ERC1: variants seen among roughly 807,000 people sequenced by gnomAD.
ERC1 encodes RAB6 interacting protein 2.
A neutral mutation model predicts 132.0 loss-of-function variants in ERC1; 56 were observed. That is an observed-to-expected ratio of 0.42 (90% CI 0.34 to 0.53). The LOEUF (loss-of-function observed/expected upper bound fraction) is 0.53, where lower values mean the gene tolerates loss of function less well. Ranked by LOEUF, ERC1 falls within the 20% of genes least tolerant of loss-of-function variation. The probability of loss-of-function intolerance (pLI) is 0.03; values close to 1 mark genes in which losing one functional copy is unlikely to be tolerated. For missense variants in ERC1, 1,202 were observed against 1,349.9 expected (o/e 0.89, Z 1.72); for synonymous variants, 478 against 476.1 (o/e 1.00, Z -0.05).
At chr12:1,084,539 T>C (rs1057248111) in intron 3 of ERC1, among the ~76,000 whole-genome samples, 2 of 152,178 alleles carry the variant, frequency 1.3e-5, no homozygotes, top group African/African-American at 4.8e-5. Flanking sequence ...AACATCATTG[T>C]TTTTTAAAAA....
chr12:1,199,587 A>G (rs569496048), intron 12 of ERC1, among the ~76,000 whole-genome samples: 3 of 152,160 alleles, frequency 2.0e-5, no homozygotes, highest in African/African-American at 7.2e-5. Flanking sequence ...CCTGACCAAC[A>G]TGGTGAAACC....
chr12:1,133,185 T>C (rs1448645247), intron 7 of ERC1, among the ~76,000 whole-genome samples: 1 of 151,860 alleles, frequency 6.6e-6, no homozygotes, highest in Non-Finnish European at 1.5e-5. Context: ...TTGTTTTTAA[T>C]GAGGTGCTTT....
intron 16 of ERC1, among the ~76,000 whole-genome samples, chr12:1,399,244 G>A (rs867449425): frequency 6.4e-4 from 97 of 151,846 alleles, no homozygotes; most frequent in African/African-American, 2.2e-3. Context: ...GAGCCATCAC[G>A]CCTGCCCTCT....
rs963648670 is a variant in ERC1, at chr12:1,494,808, AAAATT to A, written c.*4582_*4586del. 56 of 230,374 alleles carry A rather than the reference AAAATT, an allele frequency of 2.4e-4. No individual in the cohort carries two copies. Among genetic ancestry groups the A allele is most frequent in the African/African-American group, 9.3e-4 (42 of 45,308 alleles). The allele number at this position is 230,374 out of a possible 1,614,324, so 14.3% of individuals were successfully genotyped here. A position where few individuals can be genotyped will look rare whatever the true frequency, so the allele number is the denominator to read the frequency against. ...GATTAAAACGTAGTTGTAGAAATGA[AAAATT>A]AAACAGCTGTGTTTTAAAAATGCAA... On this transcript the variant is annotated 3_prime_UTR_variant, in exon 19 of 19. Coordinates refer to ENST00000360905, the MANE Select transcript of ERC1 (RefSeq NM_178040.4).
intron 15 of ERC1, among the ~76,000 whole-genome samples, chr12:1,328,725 C>A (rs989476939): frequency 1.3e-5 from 2 of 151,834 alleles, no homozygotes; most frequent in Non-Finnish European, 2.9e-5. Flanking sequence ...AGGAGGAAGT[C>A]ATTTCTTTCT....
intron 13 of ERC1, among the ~76,000 whole-genome samples, chr12:1,258,141 G>C (rs2076923908): frequency 6.6e-6 from 1 of 152,180 alleles, no homozygotes; most frequent in Admixed American, 6.5e-5. Flanking sequence ...CTCAAATTAA[G>C]TGTGGCATGT....
rs554307956 is a variant in ERC1 at position 1,016,823 on chromosome 12, G to GTAT, written c.-156-10919_-156-10917dup. 2.6e-4 allele frequency among the ~76,000 whole-genome samples: 39 copies of GTAT among 151,256 alleles called. 1 individual carries two copies. In the South Asian group the frequency reaches 8.0e-3, roughly 31 times the overall value. On this transcript the variant is annotated intron_variant, in intron 1 of 18. Coordinates refer to ENST00000360905, the MANE Select transcript of ERC1 (RefSeq NM_178040.4). ...GTACCACCATGCCTGGCTAAGTTTT[G>GTAT]TATTATTAGTAGAGATGGGGCTTCA...
At chr12:1,460,223 A>G (rs1421868049) in intron 18 of ERC1, among the ~76,000 whole-genome samples, 3 of 152,226 alleles carry the variant, frequency 2.0e-5, no homozygotes, top group Non-Finnish European at 4.4e-5. Flanking sequence ...TTCTTTTGAA[A>G]TTATTTTAAA....
chr12:1,314,736 T>G (rs909233507), intron 15 of ERC1, among the ~76,000 whole-genome samples: 3 of 152,204 alleles, frequency 2.0e-5, no homozygotes, highest in Non-Finnish European at 2.9e-5. Context: ...CCATGAACAT[T>G]TAATATGTTT....
chr12:1,238,832 A>G (rs1431690510), intron 13 of ERC1, among the ~76,000 whole-genome samples: 2 of 152,078 alleles, frequency 1.3e-5, no homozygotes, highest in African/African-American at 4.8e-5. Flanking sequence ...TCCTTTTTAT[A>G]TAAACTAAAA....
At position 1,448,314 on chromosome 12, in the gene ERC1, G is replaced by C. The variant is rs146565764; in HGVS notation, c.3213+3564G>C. On this transcript the variant is annotated intron_variant, in intron 18 of 18. Transcript: ENST00000360905. The stretch of plus-strand genomic sequence containing the variant: ...CAGTCCCTGCGAAACGAGAGACCTG[G>C]GTCATCTACAGAGGAATACAGTAAC... Among the ~76,000 whole-genome samples the C allele has an allele frequency of 1.2e-3, 176 of 152,196 alleles. 1 individual carries two copies. The highest frequency in any genetic ancestry group is 4.0e-3 in the African/African-American group (166 of 41,510).
chr12:1,326,331 T>G (rs2082441115), intron 15 of ERC1, among the ~76,000 whole-genome samples: 1 of 152,178 alleles, frequency 6.6e-6, no homozygotes, highest in Admixed American at 6.5e-5. Context: ...TTAAGTCCCA[T>G]TATTTCTCCT....
At chr12:1,005,709 T>C (rs1963437870) in intron 1 of ERC1, among the ~76,000 whole-genome samples, 1 of 152,118 alleles carries the variant, frequency 6.6e-6, no homozygotes, top group Non-Finnish European at 1.5e-5. Context: ...TTTCCTGTTA[T>C]TTTTAAAATA....
At chr12:1,185,255 G>C (rs986288327) in intron 11 of ERC1, among the ~76,000 whole-genome samples, 1 of 151,864 alleles carries the variant, frequency 6.6e-6, no homozygotes, top group African/African-American at 2.4e-5. Flanking sequence ...TGCCTAGGCT[G>C]GTCTCAAACC....
chr12:1,347,753 C>T (rs531094246), intron 15 of ERC1, among the ~76,000 whole-genome samples: 5 of 152,272 alleles, frequency 3.3e-5, no homozygotes, highest in South Asian at 2.1e-4. Flanking sequence ...GAGACCGAGA[C>T]GGGCAGATCA....
intron 16 of ERC1, among the ~76,000 whole-genome samples, chr12:1,387,142 C>T (rs1418648411): frequency 2.6e-5 from 4 of 151,304 alleles, no homozygotes; most frequent in South Asian, 2.1e-4. Flanking sequence ...TTTTCTGTTT[C>T]GCATATTGAC....
At chr12:1,139,954 TTAAC>T (rs1949716528) in intron 7 of ERC1, among the ~76,000 whole-genome samples, 1 of 152,126 alleles carries the variant, frequency 6.6e-6, no homozygotes, top group South Asian at 2.1e-4. Flanking sequence ...TATAATTAGG[TTAAC>T]TATGTATATT....
At chr12:1,482,730 A>T (rs2369848) in intron 18 of ERC1, among the ~76,000 whole-genome samples, 52,024 of 151,740 alleles carry the variant, frequency 0.34, 9,481 homozygotes, top group African/African-American at 0.47. Context: ...TACAGGCGTG[A>T]GCCACTGCAC....
At chr12:1,041,206 TTTC>T (rs899724712) in intron 2 of ERC1, among the ~76,000 whole-genome samples, 17 of 127,720 alleles carry the variant, frequency 1.3e-4, no homozygotes, top group African/African-American at 4.0e-4. Context: ...CAAGTCTCTC[TTTC>T]TTTTTTTTTT....
Sources: allele counts gnomAD v4.1 joint callset (sites outside exome capture counted in the v4.1 genomes callset), GRCh38; gene constraint gnomAD v4.1.1; transcripts MANE v1.5; gene names NCBI Gene and HGNC (gene_info 2026-07-23, HGNC 2026-07-21).